The following NFATC1 variants were observed in gnomAD, a reference collection of about 807,000 sequenced individuals.
NFATC1 encodes nuclear factor of activated T cells 1.
A neutral mutation model predicts 76.0 loss-of-function variants in NFATC1; 22 were observed. That is an observed-to-expected ratio of 0.29 (90% CI 0.21 to 0.41). The LOEUF (loss-of-function observed/expected upper bound fraction) is 0.41. NFATC1 is among the 10% of genes least tolerant of loss of function. The pLI, the probability that NFATC1 is intolerant of heterozygous loss-of-function variation, is 1.00. For missense variants in NFATC1, 1,357 were observed against 1,337.7 expected (o/e 1.01, Z -0.23); for synonymous variants, 704 against 613.1 (o/e 1.15, Z -2.19).
Position 79,528,137 on chromosome 18 carries a change from C to T in NFATC1, c.*560C>T. ...CGTTTCCTGGGCTGTCACGTACACT[C>T]CTGCTGCCTTACACAGTGCATTTTA... On this transcript the variant is annotated 3_prime_UTR_variant, in exon 10 of 10. Transcript: ENST00000427363. 2.5e-6 allele frequency: 1 copy of T among 395,580 alleles called. No homozygotes were observed. Among genetic ancestry groups the T allele is most frequent in the Non-Finnish European group, 4.5e-6 (1 of 224,644 alleles). The allele number at this position is 395,580 out of a possible 1,614,324, so 24.5% of individuals were successfully genotyped here. A position where few individuals can be genotyped will look rare whatever the true frequency, so the allele number is the denominator to read the frequency against.
intron 2 of NFATC1, among the ~76,000 whole-genome samples, chr18:79,417,169 G>GTGGGAGA (rs1568934361): frequency 6.9e-6 from 1 of 144,460 alleles, no homozygotes; most frequent in African/African-American, 2.6e-5. Context: ...ATGGGCTGTG[G>GTGGGAGA]CGGGAGATGG....
In NFATC1 at chr18:79,445,436, C is replaced by G. The variant is rs557516027; in HGVS notation, c.1387-3346C>G. Among the ~76,000 whole-genome samples, 13 of 152,338 alleles carry G rather than the reference C, an allele frequency of 8.5e-5. No homozygotes were observed. In the East Asian group the frequency reaches 2.3e-3, roughly 27 times the overall value. On this transcript the variant is annotated intron_variant, in intron 3 of 9. Coordinates refer to ENST00000427363, the MANE Select transcript of NFATC1 (RefSeq NM_001278669.2). ...ACAGATGCACTCTCCTGCCTGGTTC[C>G]CTGGCCCCGGGCCCAGCCCTGAGAG...
chr18:79,458,744 G>A (rs1196096914), intron 6 of NFATC1, among the ~76,000 whole-genome samples: 1 of 152,232 alleles, frequency 6.6e-6, no homozygotes, highest in Non-Finnish European at 1.5e-5. Context: ...GGGGGCCGGC[G>A]CTGCCCGTCC....
chr18:79,495,488 C>A (rs1045735368), intron 9 of NFATC1, among the ~76,000 whole-genome samples: 3 of 152,168 alleles, frequency 2.0e-5, no homozygotes, highest in African/African-American at 4.8e-5. Context: ...TAGCTTGTTT[C>A]GGCGTTAAGT....
intron 2 of NFATC1, among the ~76,000 whole-genome samples, chr18:79,412,382 G>A (rs1031806362): frequency 2.6e-5 from 4 of 152,122 alleles, no homozygotes; most frequent in Non-Finnish European, 4.4e-5. Context: ...TCAGGAAGAG[G>A]CGTTTGCCAC....
intron 7 of NFATC1, among the ~76,000 whole-genome samples, 184 bp downstream of exon 7, chr18:79,461,550 G>A (rs1284316364): frequency 5.3e-5 from 8 of 150,490 alleles, no homozygotes; most frequent in South Asian, 2.1e-4. Flanking sequence ...CCAAGTACTC[G>A]CCAAAGCACC....
intron 8 of NFATC1, among the ~76,000 whole-genome samples, chr18:79,483,652 G>A (rs1335997927): frequency 6.8e-6 from 1 of 146,132 alleles, no homozygotes; most frequent in African/African-American, 2.6e-5. Context: ...TGGTCCTGGG[G>A]TGTAATTCCA....
rs140598778 is a variant in NFATC1, at chr18:79,527,874, C to T, written c.*297C>T. 1.2e-4 allele frequency: 58 copies of T among 474,766 alleles called. No individual in the cohort carries two copies. In the East Asian group the frequency reaches 1.4e-3, roughly 11 times the overall value. 29.4% of individuals were successfully genotyped at this position (474,766 alleles called of 1,614,324 possible). A position where few individuals can be genotyped will look rare whatever the true frequency, so the allele number is the denominator to read the frequency against. ...GGGCCTTTCATGGGAACGGCCCACA[C>T]GCAGTTTGACCCCACGCCCAGCCCT... On this transcript the variant is annotated 3_prime_UTR_variant, in exon 10 of 10. Coordinates refer to ENST00000427363, the MANE Select transcript of NFATC1 (RefSeq NM_001278669.2).
In NFATC1 at chr18:79,486,513, TCA is replaced by T; in HGVS notation, c.2360_2361del (p.His787ProfsTer46). ...AGGGCGTTGCCAGCCCGGGCCACTG[TCA>T]CCTCGGACTCCCGCAGCCGGCCGGA... ...TKGVASPGHC[H>X]LGLPQPAGEA... On this transcript the variant is annotated frameshift_variant, in exon 9 of 10. Coordinates refer to ENST00000427363, the MANE Select transcript of NFATC1 (RefSeq NM_001278669.2). LOFTEE classifies it high-confidence loss of function. 2.5e-6 allele frequency: 4 copies of T among 1,603,010 alleles called. No homozygotes were observed. Among genetic ancestry groups the T allele is most frequent in the Non-Finnish European group, 3.4e-6 (4 of 1,179,118 alleles).
At chr18:79,481,593 C>T (rs554978818) in intron 8 of NFATC1, among the ~76,000 whole-genome samples, 1 of 152,376 alleles carries the variant, frequency 6.6e-6, no homozygotes, top group East Asian at 1.9e-4. Context: ...CAGAGTCCTC[C>T]TCCCAGGAAC....
intron 2 of NFATC1, among the ~76,000 whole-genome samples, chr18:79,431,702 GTTGT>G (rs1368628227): frequency 6.6e-6 from 1 of 151,706 alleles, no homozygotes; most frequent in African/African-American, 2.4e-5. Flanking sequence ...TGTTTTTGTT[GTTGT>G]TTGTTGTTTT....
At chr18:79,511,948 G>C (rs938641630) in intron 9 of NFATC1, among the ~76,000 whole-genome samples, 7 of 152,150 alleles carry the variant, frequency 4.6e-5, no homozygotes, top group African/African-American at 1.7e-4. Flanking sequence ...CTGTGTGCTG[G>C]CTCTCAGGAG....
At chr18:79,522,191 T>G (rs2090619498) in intron 9 of NFATC1, among the ~76,000 whole-genome samples, 1 of 43,170 alleles carries the variant, frequency 2.3e-5, no homozygotes, top group Non-Finnish European at 4.1e-5. Flanking sequence ...GCGTTTTGTG[T>G]GTGTGGGGGG....
chr18:79,477,626 C>A (rs377507824), intron 8 of NFATC1, among the ~76,000 whole-genome samples: 1 of 142,672 alleles, frequency 7.0e-6, no homozygotes, highest in African/African-American at 2.8e-5. Flanking sequence ...AGTGGAGCAC[C>A]ACCGGCCGTA....
Position 79,486,903 on chromosome 18 carries a change from G to A in NFATC1, c.2748G>A (p.Glu916=). The A allele has an allele frequency of 6.2e-7, 1 of 1,607,180 alleles. No individual in the cohort carries two copies. The highest frequency in any genetic ancestry group is 1.1e-5 in the South Asian group (1 of 90,362). The part of the protein sequence containing the change: ...LAPIPVTVKR[E]PEELDQLYLD... Reference sequence around the variant, plus strand: ...CTATTCCTGTAACGGTCAAGCGAGAGCCTGAAGAGTTGGACCAGTTGTACC... The same window carrying A: ...CTATTCCTGTAACGGTCAAGCGAGAACCTGAAGAGTTGGACCAGTTGTACC... The change falls in exon 9 of 10, where the codon GAG becomes GAA. Residue 916 remains glutamate, a synonymous_variant. Transcript: ENST00000427363.
In NFATC1 at chr18:79,461,323, T is replaced by A. The variant is rs2088068541; in HGVS notation, c.1916T>A (p.Val639Asp). Residue 639 changes from valine to aspartate, a missense_variant, in exon 7 of 10, where the codon GTC (valine) becomes GAC (aspartate). Physicochemically the swap from Val to Asp is radical, Grantham distance 152. This residue lies in a region of NFATC1 where 242 missense variants were observed against 329.2 expected (regional missense o/e 0.74). Transcript: ENST00000427363. ...FVEKAPDGHHVWEMEAKTDRD... is the reference protein window; with the variant it reads ...FVEKAPDGHHDWEMEAKTDRD... Reference sequence around the variant, plus strand: ...TCCTTTCTTCCAGATGGCCACCATGTCTGGGAGATGGAAGCGAAAACTGAC... The same window carrying A: ...TCCTTTCTTCCAGATGGCCACCATGACTGGGAGATGGAAGCGAAAACTGAC... 1.6e-5 allele frequency: 24 copies of A among 1,527,340 alleles called. No homozygotes were observed. Among genetic ancestry groups the A allele is most frequent in the Non-Finnish European group, 2.1e-5 (24 of 1,148,470 alleles). The allele number at this position is 1,527,340 out of a possible 1,614,324, so 94.6% of individuals were successfully genotyped here.
intron 2 of NFATC1, among the ~76,000 whole-genome samples, chr18:79,428,754 A>G (rs1482180197): frequency 6.6e-6 from 1 of 152,174 alleles, no homozygotes; most frequent in Admixed American, 6.5e-5. Context: ...AGGTGGGAGG[A>G]TCCCTTGAGC....
intron 1 of NFATC1, among the ~76,000 whole-genome samples, chr18:79,403,379 T>A (rs2085330649): frequency 6.6e-6 from 1 of 152,260 alleles, no homozygotes; most frequent in Non-Finnish European, 1.5e-5. Flanking sequence ...GAGTGGCGTT[T>A]GGGCTTCCAG....
intron 8 of NFATC1, among the ~76,000 whole-genome samples, chr18:79,483,481 C>G (rs547092258): frequency 1.1e-5 from 1 of 91,290 alleles, no homozygotes; most frequent in Non-Finnish European, 2.1e-5. Flanking sequence ...TGGGGTGTCA[C>G]TCCGGCGTGA....
Sources: allele counts gnomAD v4.1 joint callset (sites outside exome capture counted in the v4.1 genomes callset), GRCh38; gene constraint gnomAD v4.1.1; regional missense constraint gnomAD v4.1.1; transcripts MANE v1.5; gene names NCBI Gene and HGNC (gene_info 2026-07-23, HGNC 2026-07-21).